DLC1: variants seen among roughly 807,000 people sequenced by gnomAD.
DLC1 encodes the protein rho GTPase-activating protein 7.
Under a neutral mutation model 140.3 loss-of-function variants are expected in DLC1, and 54 were observed. The observed-to-expected ratio is 0.38, with a 90% CI of 0.31 to 0.48. DLC1 has a LOEUF of 0.48. Among genes scored for constraint, DLC1 ranks in the 20% least tolerant of loss-of-function variants. DLC1 has a pLI of 0.96. For missense variants in DLC1, 2,536 were observed against 1,907.0 expected, an observed-to-expected ratio of 1.33 and a Z score of -6.14; for synonymous variants, 986 against 728.1, an observed-to-expected ratio of 1.35 and a Z score of -5.70.
In DLC1 at chr8:13,295,942, G is replaced by GTTTTTT. The variant is rs71207138; in HGVS notation, c.1348+9321_1348+9326dup. ...AAGAGATGATCAGATAAGATTCTTTGTTTTTTTTTTTTTTTTTTTTTTTTT... is the reference window on the plus strand; with the variant it reads ...AAGAGATGATCAGATAAGATTCTTTGTTTTTTTTTTTTTTTTTTTTTTTTTTTTTTT... On this transcript the variant is annotated intron_variant, in intron 5 of 17. Coordinates refer to ENST00000276297, the MANE Select transcript of DLC1 (RefSeq NM_182643.3). Among the ~76,000 whole-genome samples the GTTTTTT allele has an allele frequency of 4.9e-4, 36 of 72,896 alleles. 8 individuals carry two copies. The highest frequency in any genetic ancestry group is 2.3e-3 in the East Asian group (4 of 1,768). 47.8% of individuals were successfully genotyped at this position (72,896 alleles called of 152,430 possible).
At chr8:13,580,636 C>T (rs1331724747) in intron 1 of DLC1, among the ~76,000 whole-genome samples, 2 of 152,084 alleles carry the variant, frequency 1.3e-5, no homozygotes, top group Admixed American at 6.5e-5. Flanking sequence ...ACAAAACTGA[C>T]GATTGATGCA....
chr8:13,290,828 C>T (rs1464925010), intron 5 of DLC1, among the ~76,000 whole-genome samples: 3 of 152,198 alleles, frequency 2.0e-5, no homozygotes, highest in South Asian at 2.1e-4. Context: ...AGAATGTGAG[C>T]ATTCCTGTGA....
At chr8:13,408,592 C>G (rs1279052906) in intron 2 of DLC1, among the ~76,000 whole-genome samples, 1 of 152,114 alleles carries the variant, frequency 6.6e-6, no homozygotes, top group East Asian at 1.9e-4. Context: ...GAACTGAGGC[C>G]CATTTTGGGG....
intron 5 of DLC1, among the ~76,000 whole-genome samples, chr8:13,167,788 T>C (rs1484062173): frequency 6.6e-6 from 1 of 152,238 alleles, no homozygotes; most frequent in Non-Finnish European, 1.5e-5. Context: ...TACCTGCATG[T>C]ATTATTTTAG....
At chr8:13,232,461 G>A (rs187524839) in intron 5 of DLC1, among the ~76,000 whole-genome samples, 90 of 152,230 alleles carry the variant, frequency 5.9e-4, no homozygotes, top group African/African-American at 2.1e-3. Context: ...AGCCTCCTGA[G>A]TAGCTAGGAC....
At chr8:13,274,371 G>A (rs1442242263) in intron 5 of DLC1, among the ~76,000 whole-genome samples, 2 of 152,152 alleles carry the variant, frequency 1.3e-5, no homozygotes, top group South Asian at 2.1e-4. Context: ...ATGGTATCTG[G>A]ATTCTCTACT....
At chr8:13,236,696 G>C (rs989280208) in intron 5 of DLC1, among the ~76,000 whole-genome samples, 2 of 151,980 alleles carry the variant, frequency 1.3e-5, no homozygotes, top group Admixed American at 1.3e-4. Context: ...AAATAAATTA[G>C]GGCCATTTGG....
chr8:13,219,912 A>G (rs1001938315), intron 5 of DLC1, among the ~76,000 whole-genome samples: 2 of 152,286 alleles, frequency 1.3e-5, no homozygotes, highest in African/African-American at 4.8e-5. Flanking sequence ...AGTAAAAACA[A>G]TGCGACACAG....
intron 5 of DLC1, among the ~76,000 whole-genome samples, chr8:13,234,720 G>A (rs1829203805): frequency 6.6e-6 from 1 of 151,898 alleles, no homozygotes; most frequent in African/African-American, 2.4e-5. Flanking sequence ...ATGAACACTG[G>A]AGAGTATATG....
chr8:13,291,458 A>C (rs1831753843), intron 5 of DLC1, among the ~76,000 whole-genome samples: 1 of 152,202 alleles, frequency 6.6e-6, no homozygotes, highest in South Asian at 2.1e-4. Context: ...GATGAACAAA[A>C]TAAAACTCTT....
chr8:13,396,813 A>C lies in DLC1; in HGVS notation c.1174-3120T>G, dbSNP rs553665933. On this transcript the variant is annotated intron_variant, in intron 3 of 17. Transcript: ENST00000276297. Reference sequence around the variant, plus strand: ...TCTGTTCAATTTGAGAAATTACCCAAAAGCTCTCCCAAAATCTCTCACATC... The same window carrying C: ...TCTGTTCAATTTGAGAAATTACCCACAAGCTCTCCCAAAATCTCTCACATC... Among the ~76,000 whole-genome samples the C allele has an allele frequency of 3.9e-4, 59 of 152,254 alleles. 1 individual carries two copies. In the Middle Eastern group the frequency reaches 0.024, roughly 61 times the overall value.
At chr8:13,281,579 G>A (rs1692333322) in intron 5 of DLC1, among the ~76,000 whole-genome samples, 1 of 152,094 alleles carries the variant, frequency 6.6e-6, no homozygotes, top group South Asian at 2.1e-4. Flanking sequence ...TATATACACT[G>A]GGGTTCTATG....
At chr8:13,385,509 T>G (rs950248754) in intron 4 of DLC1, among the ~76,000 whole-genome samples, 6 of 152,200 alleles carry the variant, frequency 3.9e-5, no homozygotes, top group Non-Finnish European at 7.3e-5. Flanking sequence ...AAGTATTCAT[T>G]AAATAACCAA....
At position 13,183,759 on chromosome 8, in the gene DLC1, A is replaced by G. The variant is rs1036427547; in HGVS notation, c.1349-68102T>C. On this transcript the variant is annotated intron_variant, in intron 5 of 17. Coordinates refer to ENST00000276297, the MANE Select transcript of DLC1 (RefSeq NM_182643.3). ...ATTTTTGCATCGATGTTCATCAGGG[A>G]TATTGGTCTAAAATTCTCTTTTTTT... Among the ~76,000 whole-genome samples, 19 of 152,098 alleles carry G rather than the reference A, an allele frequency of 1.2e-4. 1 individual carries two copies. Among genetic ancestry groups the G allele is most frequent in the South Asian group, 1.2e-3 (6 of 4,824 alleles).
chr8:13,087,786 G>C (rs1047800193), intron 16 of DLC1, among the ~76,000 whole-genome samples: 1 of 152,202 alleles, frequency 6.6e-6, no homozygotes, highest in African/African-American at 2.4e-5. Context: ...TCTTCTTTCA[G>C]TAATATCTCC....
At chr8:13,561,360 G>A (rs566818235) in intron 1 of DLC1, among the ~76,000 whole-genome samples, 2 of 152,180 alleles carry the variant, frequency 1.3e-5, no homozygotes, top group African/African-American at 4.8e-5. Context: ...GTAGAAACAA[G>A]TTTGGGAAGG....
chr8:13,379,069 G>C (rs1428374226), intron 4 of DLC1, among the ~76,000 whole-genome samples: 1 of 152,116 alleles, frequency 6.6e-6, no homozygotes, highest in East Asian at 1.9e-4. Flanking sequence ...TTTAATGAAA[G>C]TTTTCACAGG....
At chr8:13,372,681 C>G (rs186025759) in intron 4 of DLC1, among the ~76,000 whole-genome samples, 2 of 152,014 alleles carry the variant, frequency 1.3e-5, no homozygotes, top group African/African-American at 4.8e-5. Flanking sequence ...AAAAGGAACA[C>G]GTCATTGATA....
intron 4 of DLC1, among the ~76,000 whole-genome samples, chr8:13,371,749 T>C (rs1835740826): frequency 6.6e-6 from 1 of 152,172 alleles, no homozygotes; most frequent in South Asian, 2.1e-4. Flanking sequence ...TTTCCTGAGT[T>C]AGAGTTGGCT....
Sources: allele counts gnomAD v4.1 joint callset (sites outside exome capture counted in the v4.1 genomes callset), GRCh38; gene constraint gnomAD v4.1.1; transcripts MANE v1.5; gene names NCBI Gene and HGNC (gene_info 2026-07-23, HGNC 2026-07-21).